Variants in TTC28 observed in about 807,000 individuals in gnomAD.
The protein encoded by TTC28 is tetratricopeptide repeat protein 28.
In TTC28, 61 loss-of-function variants were observed where a neutral mutation model predicts 198.0. The observed-to-expected ratio is 0.31, with a 90% CI of 0.25 to 0.38. The LOEUF is 0.38. TTC28 is among the 10% of genes least tolerant of loss of function. The pLI is 1.00. For synonymous variants in TTC28, 1,171 were observed against 1,297.8 expected, an observed-to-expected ratio of 0.90 and a Z score of 2.10; for missense variants, 2,678 against 3,164.0, an observed-to-expected ratio of 0.85 and a Z score of 3.69.
Position 28,640,924 on chromosome 22 carries a change from T to C in TTC28, c.103-11094A>G, listed in dbSNP as rs1367984306. Among the ~76,000 whole-genome samples, 6 of 152,302 alleles carry C rather than the reference T, an allele frequency of 3.9e-5. No homozygotes were observed. The East Asian group carries it at 7.7e-4, about 20-fold the overall frequency. ...GGAAAAACTAGTGCACAAATTTTCA[T>C]AGCAGATTTATAATAGCCAAAAAGT... is the stretch of plus-strand genomic sequence containing the variant. On this transcript the variant is annotated intron_variant, in intron 1 of 22. Coordinates refer to ENST00000397906, the MANE Select transcript of TTC28 (RefSeq NM_001145418.2).
At chr22:28,491,642 A>G (rs2048380298) in intron 2 of TTC28, among the ~76,000 whole-genome samples, 1 of 152,178 alleles carries the variant, frequency 6.6e-6, no homozygotes, top group Admixed American at 6.5e-5. Context: ...AGAAACAGGA[A>G]CACTTTTACA....
At chr22:28,312,106 A>C (rs2045269351) in intron 2 of TTC28, among the ~76,000 whole-genome samples, 2 of 152,172 alleles carry the variant, frequency 1.3e-5, no homozygotes, top group African/African-American at 4.8e-5. Context: ...CAAAGATCAA[A>C]AGAGACAAAG....
At chr22:28,570,389 GA>G (rs1349673185) in intron 2 of TTC28, among the ~76,000 whole-genome samples, 8 of 152,146 alleles carry the variant, frequency 5.3e-5, no homozygotes, top group Non-Finnish European at 1.0e-4. Context: ...AAAAAAGAAT[GA>G]AATCATGCCC....
intron 1 of TTC28, among the ~76,000 whole-genome samples, chr22:28,634,905 T>C (rs1281531851): frequency 1.3e-5 from 2 of 152,178 alleles, no homozygotes; most frequent in African/African-American, 4.8e-5. Context: ...TTCTATCTTA[T>C]CTGCAATTGA....
At chr22:28,327,798 C>T (rs932674641) in intron 2 of TTC28, among the ~76,000 whole-genome samples, 1 of 152,298 alleles carries the variant, frequency 6.6e-6, no homozygotes, top group African/African-American at 2.4e-5. Context: ...AGAGTGGATA[C>T]CTGCATCTAT....
At chr22:28,127,244 G>T (rs1159303395) in intron 6 of TTC28, among the ~76,000 whole-genome samples, 1 of 152,174 alleles carries the variant, frequency 6.6e-6, no homozygotes. Flanking sequence ...CTAGAAAAAG[G>T]CTGTCATGAA....
At chr22:28,489,237 T>C (rs1014957148) in intron 2 of TTC28, among the ~76,000 whole-genome samples, 7 of 151,936 alleles carry the variant, frequency 4.6e-5, no homozygotes, top group South Asian at 2.1e-4. Context: ...TTAGCTAAGA[T>C]AGTGCCACTG....
At chr22:28,313,170 TGAA>T (rs2045295536) in intron 2 of TTC28, among the ~76,000 whole-genome samples, 1 of 152,162 alleles carries the variant, frequency 6.6e-6, no homozygotes, top group South Asian at 2.1e-4. Flanking sequence ...AGGAAGAAGT[TGAA>T]TCCCTGAATA....
intron 12 of TTC28, among the ~76,000 whole-genome samples, chr22:28,035,144 T>A (rs978757524): frequency 1.3e-5 from 2 of 152,238 alleles, no homozygotes; most frequent in Non-Finnish European, 2.9e-5. Context: ...CTTTTATTTA[T>A]GTCTCAACAT....
intron 2 of TTC28, among the ~76,000 whole-genome samples, chr22:28,536,525 G>T (rs1480973355): frequency 6.6e-6 from 1 of 152,002 alleles, no homozygotes; most frequent in East Asian, 1.9e-4. Context: ...TCGCGAGGCT[G>T]AGGCAGGAGA....
chr22:28,202,918 C>T (rs898892258), intron 5 of TTC28, among the ~76,000 whole-genome samples: 2 of 152,000 alleles, frequency 1.3e-5, no homozygotes, highest in Admixed American at 6.6e-5. Flanking sequence ...ATAAACACTA[C>T]GGATACAGTT....
chr22:28,202,672 C>G (rs1385108658), intron 5 of TTC28, among the ~76,000 whole-genome samples: 2 of 152,154 alleles, frequency 1.3e-5, no homozygotes, highest in African/African-American at 4.8e-5. Flanking sequence ...AATTTTACAG[C>G]TGGCCTAGAG....
chr22:28,166,299 G>A (rs1372691701), intron 5 of TTC28, among the ~76,000 whole-genome samples: 1 of 152,120 alleles, frequency 6.6e-6, no homozygotes, highest in Non-Finnish European at 1.5e-5. Flanking sequence ...TCCAGGAATT[G>A]AACTCAGCTC....
intron 5 of TTC28, among the ~76,000 whole-genome samples, chr22:28,270,104 A>G (rs572614748): frequency 1.3e-5 from 2 of 152,270 alleles, no homozygotes; most frequent in South Asian, 2.1e-4. Context: ...CATGTGCCCA[A>G]CGTGGCTGCA....
intron 2 of TTC28, among the ~76,000 whole-genome samples, chr22:28,523,285 TAAG>T (rs1455166527): frequency 1.9e-4 from 29 of 152,252 alleles, no homozygotes; most frequent in African/African-American, 6.5e-4. Context: ...TAGAAATAAT[TAAG>T]AATAGTAATA....
intron 2 of TTC28, among the ~76,000 whole-genome samples, chr22:28,320,413 C>A (rs997291370): frequency 2.0e-5 from 3 of 152,120 alleles, no homozygotes; most frequent in East Asian, 3.9e-4. Flanking sequence ...AGAGAAACTC[C>A]AAGTGATGCT....
chr22:28,426,195 G>C (rs748171349), intron 2 of TTC28, among the ~76,000 whole-genome samples: 14 of 134,776 alleles, frequency 1.0e-4, no homozygotes, highest in Non-Finnish European at 1.8e-4. Context: ...CTGGGTGACA[G>C]AGTGAGACTC....
chr22:28,328,718 C>T (rs1464840693), intron 2 of TTC28, among the ~76,000 whole-genome samples: 1 of 150,116 alleles, frequency 6.7e-6, no homozygotes, highest in Non-Finnish European at 1.5e-5. Context: ...CGTGCCACTG[C>T]ACTCCAGCCT....
intron 2 of TTC28, among the ~76,000 whole-genome samples, chr22:28,345,464 G>A (rs1019159587): frequency 6.6e-6 from 1 of 152,096 alleles, no homozygotes; most frequent in South Asian, 2.1e-4. Flanking sequence ...CCCTGCTCTT[G>A]TAAGAGAGCT....
Sources: gnomAD v4.1 joint callset for allele counts (sites outside exome capture counted in the v4.1 genomes callset) on GRCh38, gnomAD v4.1.1 for gene constraint, MANE v1.5 for transcripts, NCBI Gene and HGNC (gene_info 2026-07-23, HGNC 2026-07-21) for gene names.